Variants in SYT1 observed in about 807,000 individuals in gnomAD.
The protein encoded by SYT1 is synaptotagmin 1, also known as synaptotagmin-1.
Under a neutral mutation model 44.8 loss-of-function variants are expected in SYT1, and 8 were observed. The ratio of observed to expected loss-of-function variants is 0.18; its 90% CI spans 0.10 to 0.32. SYT1 has a LOEUF of 0.32. Ranked by LOEUF, SYT1 falls within the 10% of genes least tolerant of loss-of-function variation. SYT1 has a pLI of 1.00. For missense variants in SYT1, 286 were observed against 509.3 expected (o/e 0.56, Z 4.22); for synonymous variants, 154 against 188.8 (o/e 0.82, Z 1.51).
At chr12:79,330,893 G>A (rs1881823808) in intron 8 of SYT1, among the ~76,000 whole-genome samples, 1 of 152,108 alleles carries the variant, frequency 6.6e-6, no homozygotes, top group South Asian at 2.1e-4. Flanking sequence ...GAGACTAACT[G>A]TAGTCTTAAT....
At chr12:79,147,040 C>T (rs1314769711) in intron 3 of SYT1, among the ~76,000 whole-genome samples, 1 of 152,094 alleles carries the variant, frequency 6.6e-6, no homozygotes, top group African/African-American at 2.4e-5. Context: ...GGGGTTTCAC[C>T]ATATTGGCCA....
At chr12:78,960,907 G>A (rs780159933) in intron 1 of SYT1, among the ~76,000 whole-genome samples, 3 of 152,038 alleles carry the variant, frequency 2.0e-5, no homozygotes, top group Non-Finnish European at 2.9e-5. Context: ...GGTAGAGGTG[G>A]AAAGCAATAT....
chr12:78,876,818 C>CATATAAT (rs1874139764), intron 1 of SYT1, among the ~76,000 whole-genome samples: 3 of 10,310 alleles, frequency 2.9e-4, no homozygotes, highest in African/African-American at 3.5e-4. Context: ...TAATACATAT[C>CATATAAT]ATATATTATA....
chr12:79,265,079 A>C (rs1237677694), intron 4 of SYT1, among the ~76,000 whole-genome samples: 2 of 152,134 alleles, frequency 1.3e-5, no homozygotes, highest in Non-Finnish European at 2.9e-5. Flanking sequence ...AGTTTTCAAC[A>C]TTTTTAAGTT....
intron 4 of SYT1, among the ~76,000 whole-genome samples, chr12:79,241,945 A>G (rs1876540584): frequency 1.3e-5 from 2 of 152,228 alleles, no homozygotes; most frequent in African/African-American, 2.4e-5. Flanking sequence ...CAATGGAGGC[A>G]GAGATTAGAG....
At position 79,137,670 on chromosome 12, in the gene SYT1, GA is replaced by G. The variant is rs1190085704; in HGVS notation, c.-17-79832del. On this transcript the variant is annotated intron_variant, in intron 3 of 10. Coordinates refer to ENST00000261205, the MANE Select transcript of SYT1 (RefSeq NM_005639.3). ...AACTATAAGTATAAAATAAGACCTT[GA>G]GTTCATTTAATATTTGGTTTATTCA... 5.9e-5 allele frequency among the ~76,000 whole-genome samples: 9 copies of G among 152,186 alleles called. No homozygotes were observed. The East Asian group carries it at 1.7e-3, about 29-fold the overall frequency.
chr12:79,408,502 G>A (rs1192488429), intron 9 of SYT1, among the ~76,000 whole-genome samples: 1 of 152,158 alleles, frequency 6.6e-6, no homozygotes, highest in African/African-American at 2.4e-5. Context: ...GTCATTTAGC[G>A]AGGTGATTCA....
intron 3 of SYT1, among the ~76,000 whole-genome samples, chr12:79,073,454 T>C (rs1323193428): frequency 2.0e-5 from 3 of 152,062 alleles, no homozygotes; most frequent in African/African-American, 7.2e-5. Context: ...TTAGGCGAAT[T>C]CGGAATGTTG....
intron 3 of SYT1, among the ~76,000 whole-genome samples, chr12:79,177,495 C>T (rs1414253382): frequency 2.9e-4 from 1 of 3,430 alleles, no homozygotes; most frequent in Non-Finnish European, 5.5e-4. Context: ...TGAATAGTGC[C>T]GCAATAAACA....
At chr12:79,062,207 A>G (rs1172054517) in intron 3 of SYT1, among the ~76,000 whole-genome samples, 1 of 152,098 alleles carries the variant, frequency 6.6e-6, no homozygotes, top group African/African-American at 2.4e-5. Flanking sequence ...GCTTTAAGTT[A>G]TTGCAGTGAG....
chr12:78,935,239 G>T (rs1323519947), intron 1 of SYT1, among the ~76,000 whole-genome samples: 1 of 152,144 alleles, frequency 6.6e-6, no homozygotes, highest in East Asian at 1.9e-4. Flanking sequence ...TTTCCATGAA[G>T]GTTGCTCTTA....
At chr12:79,147,530 T>G (rs907965670) in intron 3 of SYT1, among the ~76,000 whole-genome samples, 1 of 152,216 alleles carries the variant, frequency 6.6e-6, no homozygotes, top group Non-Finnish European at 1.5e-5. Context: ...ACAATAATTG[T>G]AACTTAAATT....
chr12:79,165,659 G>A (rs1351066979), intron 3 of SYT1, among the ~76,000 whole-genome samples: 1 of 151,926 alleles, frequency 6.6e-6, no homozygotes, highest in Non-Finnish European at 1.5e-5. Flanking sequence ...GCTATTTGAA[G>A]ACCTGACTCC....
chr12:79,293,595 A>T (rs943993295), intron 6 of SYT1, among the ~76,000 whole-genome samples: 1 of 152,098 alleles, frequency 6.6e-6, no homozygotes, highest in African/African-American at 2.4e-5. Flanking sequence ...TAAATGAAAC[A>T]CTAATGCTCA....
chr12:78,942,907 AC>A (rs1878456796), intron 1 of SYT1, among the ~76,000 whole-genome samples: 2 of 151,526 alleles, frequency 1.3e-5, no homozygotes, highest in African/African-American at 4.8e-5. Context: ...CCCAAGTGAG[AC>A]CATGCAAAGA....
chr12:78,934,489 A>T (rs1356731287), intron 1 of SYT1, among the ~76,000 whole-genome samples: 1 of 152,176 alleles, frequency 6.6e-6, no homozygotes, highest in African/African-American at 2.4e-5. Context: ...GTGAGCCATG[A>T]TTGTGCCATT....
At chr12:79,097,803 G>C (rs572534284) in intron 3 of SYT1, among the ~76,000 whole-genome samples, 36 of 152,116 alleles carry the variant, frequency 2.4e-4, no homozygotes, top group African/African-American at 8.4e-4. Flanking sequence ...CAAGTATCCT[G>C]CTTAGAGATG....
chr12:79,049,787 A>G (rs1592700765), intron 3 of SYT1, among the ~76,000 whole-genome samples: 1 of 151,890 alleles, frequency 6.6e-6, no homozygotes, highest in Non-Finnish European at 1.5e-5. Flanking sequence ...GGAAAGCTCT[A>G]CAAACCTCTT....
intron 9 of SYT1, among the ~76,000 whole-genome samples, chr12:79,438,706 A>AC (rs567515825): frequency 6.6e-6 from 1 of 152,010 alleles, no homozygotes; most frequent in Non-Finnish European, 1.5e-5. Context: ...AGCTAGTGAG[A>AC]CCAAAGTAGT....
Sources: allele counts gnomAD v4.1 joint callset (sites outside exome capture counted in the v4.1 genomes callset), GRCh38; gene constraint gnomAD v4.1.1; transcripts MANE v1.5; gene names NCBI Gene and HGNC (gene_info 2026-07-23, HGNC 2026-07-21).